Variants in NEK7 observed in about 807,000 individuals in gnomAD.
NEK7 encodes NIMA related kinase 7, also known as serine/threonine-protein kinase Nek7.
NEK7 carries 18 observed loss-of-function variants against 44.6 expected under a neutral mutation model. That is an observed-to-expected ratio of 0.40 (90% CI 0.28 to 0.60). The LOEUF (loss-of-function observed/expected upper bound fraction) is 0.60, where lower values mean the gene tolerates loss of function less well. Among genes scored for constraint, NEK7 ranks in the 20% least tolerant of loss-of-function variants. The probability of loss-of-function intolerance (pLI) is 0.38; values close to 1 mark genes in which losing one functional copy is unlikely to be tolerated. For missense variants in NEK7, 256 were observed against 366.5 expected, an observed-to-expected ratio of 0.70 and a Z score of 2.46; for synonymous variants, 130 against 121.1, an observed-to-expected ratio of 1.07 and a Z score of -0.48.
intron 7 of NEK7, among the ~76,000 whole-genome samples, chr1:198,287,371 G>A (rs1654406570): frequency 6.6e-6 from 1 of 151,086 alleles, no homozygotes; most frequent in East Asian, 2.0e-4. Context: ...TCCAGCCTGG[G>A]CAACAGAGCA....
intron 3 of NEK7, chr1:198,256,331 T>C: frequency 6.2e-7 from 1 of 1,602,612 alleles, no homozygotes; most frequent in Non-Finnish European, 8.5e-7. Flanking sequence ...CCTGCAGGTT[T>C]GCCTGTTACC....
intron 5 of NEK7, among the ~76,000 whole-genome samples, chr1:198,277,049 A>G (rs1654040871): frequency 6.6e-6 from 1 of 151,788 alleles, no homozygotes; most frequent in African/African-American, 2.4e-5. Context: ...TAAAACAGTT[A>G]AAATTATTAG....
At chr1:198,276,498 A>G (rs573405687) in intron 5 of NEK7, among the ~76,000 whole-genome samples, 92 of 151,792 alleles carry the variant, frequency 6.1e-4, no homozygotes, top group African/African-American at 2.1e-3. Flanking sequence ...ATTTTGTAGC[A>G]TTGCCCCCTT....
At chr1:198,214,471 T>TTG (rs1665861040) in intron 1 of NEK7, among the ~76,000 whole-genome samples, 1 of 152,200 alleles carries the variant, frequency 6.6e-6, no homozygotes, top group Non-Finnish European at 1.5e-5. Flanking sequence ...AAGAGATGGA[T>TTG]ATTTTAATGA....
Position 198,301,259 on chromosome 1 carries a change from A to C in NEK7, c.798+4019A>C, listed in dbSNP as rs1207913251. On this transcript the variant is annotated intron_variant, in intron 9 of 9. Transcript: ENST00000367385. ...GGTGCCTCAGTGGTTGCTTTAGCAT[A>C]ACATTTATGGGCCGGGCGCTGTGGC... Among the ~76,000 whole-genome samples the C allele has an allele frequency of 3.3e-5, 5 of 152,342 alleles. No individual in the cohort carries two copies. The East Asian group carries it at 9.6e-4, about 29-fold the overall frequency.
chr1:198,211,889 C>A (rs1427196185), intron 1 of NEK7, among the ~76,000 whole-genome samples: 1 of 152,162 alleles, frequency 6.6e-6, no homozygotes, highest in Non-Finnish European at 1.5e-5. Flanking sequence ...TGGACAGTAG[C>A]ACCATGAACT....
Position 198,232,590 on chromosome 1 carries a change from C to A in NEK7, c.10C>A (p.Gln4Lys). 2 of 1,603,264 alleles carry A rather than the reference C, an allele frequency of 1.2e-6. No homozygotes were observed. The highest frequency in any genetic ancestry group is 1.7e-6 in the Non-Finnish European group (2 of 1,170,534). The change falls in exon 2 of 10, where the codon CAA becomes AAA. Residue 4 changes from glutamine to lysine, a missense_variant. This residue lies in a region of NEK7 where 96 missense variants were observed against 94.9 expected (regional missense o/e 1.01). Transcript: ENST00000367385. MDE[Q>K]SQGMQGPPVP... Reference sequence around the variant, plus strand: ...CCTGTTGCTTCAGACAATGGATGAGCAATCACAAGGAATGCAAGGGCCACC... The same window carrying A: ...CCTGTTGCTTCAGACAATGGATGAGAAATCACAAGGAATGCAAGGGCCACC...
intron 1 of NEK7, among the ~76,000 whole-genome samples, chr1:198,231,395 T>C (rs1666395435): frequency 6.8e-6 from 1 of 147,182 alleles, no homozygotes; most frequent in South Asian, 2.1e-4. Flanking sequence ...TGCAGTGTGG[T>C]AAAGGATAAT....
Position 198,322,056 on chromosome 1 carries a change from A to C in NEK7, c.*2534A>C, listed in dbSNP as rs150238092. 33 of 152,164 alleles carry C rather than the reference A, an allele frequency of 2.2e-4. No individual in the cohort carries two copies. The highest frequency in any genetic ancestry group is 8.0e-4 in the African/African-American group (33 of 41,444). 9.4% of individuals were successfully genotyped at this position (152,164 alleles called of 1,614,324 possible). A position where few individuals can be genotyped will look rare whatever the true frequency, so the allele number is the denominator to read the frequency against. On this transcript the variant is annotated 3_prime_UTR_variant, in exon 10 of 10. Transcript: ENST00000367385. Reference sequence around the variant, plus strand: ...GTGCAATGATTGTAAATTTAGTAAGATATTACAGCCATTTCATGAATGCTT... The same window carrying C: ...GTGCAATGATTGTAAATTTAGTAAGCTATTACAGCCATTTCATGAATGCTT...
At chr1:198,174,087 T>G (rs1445559942) in intron 1 of NEK7, among the ~76,000 whole-genome samples, 1 of 152,214 alleles carries the variant, frequency 6.6e-6, no homozygotes, top group African/African-American at 2.4e-5. Context: ...TGAGAAAGCT[T>G]GCTTAGCAGC....
chr1:198,312,176 T>A (rs1197680310), intron 9 of NEK7, among the ~76,000 whole-genome samples: 3 of 152,240 alleles, frequency 2.0e-5, no homozygotes, highest in Admixed American at 6.5e-5. Context: ...GGAGAGTGTA[T>A]GTGTCAAGGA....
At chr1:198,237,939 A>T (rs769489511) in intron 2 of NEK7, among the ~76,000 whole-genome samples, 5 of 152,130 alleles carry the variant, frequency 3.3e-5, no homozygotes, top group Admixed American at 6.5e-5. Flanking sequence ...TTCTTCTCTT[A>T]GGGTATAAGC....
At chr1:198,182,750 T>C (rs961864629) in intron 1 of NEK7, among the ~76,000 whole-genome samples, 1 of 152,198 alleles carries the variant, frequency 6.6e-6, no homozygotes, top group Non-Finnish European at 1.5e-5. Context: ...TACAACTGAT[T>C]ACAGTTATTT....
At chr1:198,243,249 CTTTGTTTTTCTGCATAG>C (rs1666740457) in intron 2 of NEK7, among the ~76,000 whole-genome samples, 2 of 152,126 alleles carry the variant, frequency 1.3e-5, no homozygotes, top group Non-Finnish European at 2.9e-5. Flanking sequence ...ACATCACTTA[CTTTGTTTTTCTGCATAG>C]TGCTTCAGTA....
chr1:198,186,590 G>A (rs940842089), intron 1 of NEK7, among the ~76,000 whole-genome samples: 2 of 152,224 alleles, frequency 1.3e-5, no homozygotes, highest in Non-Finnish European at 1.5e-5. Context: ...GTACAAGGAT[G>A]TGTGGGCCCC....
In NEK7 at chr1:198,182,440, T is replaced by TGA. The variant is rs1361683824; in HGVS notation, c.-29+25175_-29+25176dup. Among the ~76,000 whole-genome samples the TGA allele has an allele frequency of 2.1e-4, 32 of 152,016 alleles. No individual in the cohort carries two copies. In the South Asian group the frequency reaches 3.3e-3, roughly 16 times the overall value. ...AAGTGTGTGTATGTGTGTGCGCATG[T>TGA]GAGAGAGAGAGATAGAGCTTTCCTG... On this transcript the variant is annotated intron_variant, in intron 1 of 9. Coordinates refer to ENST00000367385, the MANE Select transcript of NEK7 (RefSeq NM_133494.3).
At chr1:198,172,423 T>C (rs549933787) in intron 1 of NEK7, among the ~76,000 whole-genome samples, 3 of 152,360 alleles carry the variant, frequency 2.0e-5, no homozygotes, top group South Asian at 4.1e-4. Flanking sequence ...TCTTCTTCCG[T>C]TGGAATATTT....
At chr1:198,159,024 C>T (rs1664008383) in intron 1 of NEK7, among the ~76,000 whole-genome samples, 1 of 151,762 alleles carries the variant, frequency 6.6e-6, no homozygotes, top group African/African-American at 2.4e-5. Context: ...TTCTCGGGGC[C>T]GGTGTGTGTG....
intron 2 of NEK7, chr1:198,245,044 A>G (rs887526212): frequency 6.4e-6 from 1 of 156,936 alleles, no homozygotes; most frequent in Non-Finnish European, 1.5e-5. Flanking sequence ...TGTTTTGTGT[A>G]TTATATAATG....
Sources: gnomAD v4.1 joint callset for allele counts (sites outside exome capture counted in the v4.1 genomes callset) on GRCh38, gnomAD v4.1.1 for gene constraint, gnomAD v4.1.1 regional missense constraint, MANE v1.5 for transcripts, NCBI Gene and HGNC (gene_info 2026-07-23, HGNC 2026-07-21) for gene names.